The following PDE4B variants were observed in gnomAD, a reference collection of about 807,000 sequenced individuals.
PDE4B encodes the protein 3',5'-cyclic-AMP phosphodiesterase 4B.
In PDE4B, 20 loss-of-function variants were observed where a neutral mutation model predicts 82.2. The ratio of observed to expected loss-of-function variants is 0.24; its 90% CI spans 0.17 to 0.35. The LOEUF is 0.35. PDE4B is among the 10% of genes least tolerant of loss of function. The pLI is 1.00. For missense variants in PDE4B, 655 were observed against 907.2 expected, an observed-to-expected ratio of 0.72 and a Z score of 3.57; for synonymous variants, 320 against 318.9, an observed-to-expected ratio of 1.00 and a Z score of -0.04.
At chr1:66,050,531 C>T (rs1271729678) in intron 3 of PDE4B, 1 of 151,972 alleles carries the variant, frequency 6.6e-6, no homozygotes, top group Non-Finnish European at 1.5e-5. Context: ...TTAAATTTAC[C>T]TACTAATGTA....
intron 3 of PDE4B, among the ~76,000 whole-genome samples, chr1:65,970,538 A>G (rs1391404687): frequency 6.6e-6 from 1 of 152,168 alleles, no homozygotes; most frequent in Non-Finnish European, 1.5e-5. Context: ...TAAAATATAA[A>G]GATTAAGACA....
chr1:66,012,104 T>C (rs1026853326), intron 3 of PDE4B, among the ~76,000 whole-genome samples: 2 of 152,130 alleles, frequency 1.3e-5, no homozygotes, highest in Non-Finnish European at 2.9e-5. Flanking sequence ...TTTCTGAACT[T>C]GCATGCCACA....
At chr1:65,968,496 AT>A (rs5774779) in intron 3 of PDE4B, among the ~76,000 whole-genome samples, 43 of 150,444 alleles carry the variant, frequency 2.9e-4, no homozygotes, top group African/African-American at 1.0e-3. Flanking sequence ...GTTGACTATA[AT>A]TTTTTTTTTA....
At chr1:65,818,893 G>A (rs1645918222) in intron 1 of PDE4B, among the ~76,000 whole-genome samples, 1 of 152,020 alleles carries the variant, frequency 6.6e-6, no homozygotes, top group Non-Finnish European at 1.5e-5. Flanking sequence ...ATTAGTCAAG[G>A]ATAAGCTAGC....
intron 3 of PDE4B, among the ~76,000 whole-genome samples, chr1:66,018,733 T>A (rs971975275): frequency 6.6e-6 from 1 of 152,180 alleles, no homozygotes; most frequent in Admixed American, 6.5e-5. Flanking sequence ...AGAATGTCTA[T>A]GGATACAATC....
intron 3 of PDE4B, among the ~76,000 whole-genome samples, chr1:66,054,221 G>A (rs868673836): frequency 4.6e-5 from 7 of 152,262 alleles, no homozygotes; most frequent in Middle Eastern, 3.4e-3. Flanking sequence ...CGTGTAATAT[G>A]TTTGGATAGG....
intron 3 of PDE4B, among the ~76,000 whole-genome samples, chr1:66,130,230 G>A (rs1372258050): frequency 2.6e-5 from 4 of 152,198 alleles, no homozygotes; most frequent in Non-Finnish European, 5.9e-5. Flanking sequence ...GTTTAGCTTG[G>A]GCAATTTGTG....
chr1:66,088,910 G>A (rs1644954721), intron 3 of PDE4B, among the ~76,000 whole-genome samples: 1 of 152,070 alleles, frequency 6.6e-6, no homozygotes, highest in South Asian at 2.1e-4. Flanking sequence ...TGCATCTGCA[G>A]CCTTGGAGAT....
At chr1:66,235,604 A>G (rs1448519074) in intron 3 of PDE4B, among the ~76,000 whole-genome samples, 2 of 152,124 alleles carry the variant, frequency 1.3e-5, no homozygotes, top group African/African-American at 2.4e-5. Context: ...AAAGTGATCT[A>G]TTATAAGCCA....
intron 7 of PDE4B, among the ~76,000 whole-genome samples, chr1:66,292,601 C>G (rs1003909082): frequency 6.6e-6 from 1 of 152,140 alleles, no homozygotes; most frequent in African/African-American, 2.4e-5. Flanking sequence ...GTAGTAGATA[C>G]TCATTAAATG....
chr1:66,289,307 G>A (rs888867076), intron 7 of PDE4B, among the ~76,000 whole-genome samples: 3 of 152,030 alleles, frequency 2.0e-5, no homozygotes, highest in Non-Finnish European at 4.4e-5. Flanking sequence ...CCTCTCTTTT[G>A]GACCAGGAGG....
At chr1:66,269,592 T>C (rs767207837) in intron 7 of PDE4B, among the ~76,000 whole-genome samples, 1 of 152,144 alleles carries the variant, frequency 6.6e-6, no homozygotes, top group African/African-American at 2.4e-5. Context: ...CAACAGAAAA[T>C]TGAAGTAATT....
chr1:66,203,711 G>C (rs577905486), intron 3 of PDE4B, among the ~76,000 whole-genome samples: 82 of 151,946 alleles, frequency 5.4e-4, no homozygotes, highest in African/African-American at 1.8e-3. Context: ...GCTCCTTTAA[G>C]CACTTCTCTG....
chr1:66,142,476 G>A (rs559021126), intron 3 of PDE4B, among the ~76,000 whole-genome samples: 1 of 152,256 alleles, frequency 6.6e-6, no homozygotes, highest in African/African-American at 2.4e-5. Context: ...TTTTGTTGCA[G>A]TATGCCAACA....
At chr1:66,236,271 C>T (rs1570529680) in intron 3 of PDE4B, among the ~76,000 whole-genome samples, 1 of 152,058 alleles carries the variant, frequency 6.6e-6, no homozygotes, top group East Asian at 1.9e-4. Context: ...ACCGCTTTAT[C>T]TAGCTGTAAG....
chr1:66,032,218 G>C (rs1653816173), intron 3 of PDE4B, among the ~76,000 whole-genome samples: 1 of 152,180 alleles, frequency 6.6e-6, no homozygotes, highest in Admixed American at 6.5e-5. Flanking sequence ...GGCATGTATT[G>C]TTACTTGTGT....
chr1:66,211,658 T>G (rs1375664399), intron 3 of PDE4B, among the ~76,000 whole-genome samples: 2 of 152,246 alleles, frequency 1.3e-5, no homozygotes, highest in Non-Finnish European at 2.9e-5. Context: ...AGCCCTGGTT[T>G]ATAAATAAAC....
intron 1 of PDE4B, among the ~76,000 whole-genome samples, chr1:65,836,027 C>T (rs1381176563): frequency 3.3e-5 from 5 of 151,926 alleles, no homozygotes; most frequent in South Asian, 2.1e-4. Context: ...CTGCAACCTC[C>T]GCCTCCCGGG....
chr1:66,195,997 C>A (rs112489116), intron 3 of PDE4B, among the ~76,000 whole-genome samples: 1 of 141,512 alleles, frequency 7.1e-6, no homozygotes, highest in African/African-American at 2.6e-5. Context: ...CCAATGTATA[C>A]GAGACCCCTG....
Sources: allele counts gnomAD v4.1 joint callset (sites outside exome capture counted in the v4.1 genomes callset), GRCh38; gene constraint gnomAD v4.1.1; transcripts MANE v1.5; gene names NCBI Gene and HGNC (gene_info 2026-07-23, HGNC 2026-07-21).